PTCD2: variants seen among roughly 807,000 people sequenced by gnomAD.
PTCD2 encodes the protein pentatricopeptide repeat-containing protein 2, mitochondrial.
Under a neutral mutation model 42.6 loss-of-function variants are expected in PTCD2, and 31 were observed. The ratio of observed to expected loss-of-function variants is 0.73; its 90% CI spans 0.55 to 0.98. The LOEUF is 0.98. Among genes scored for constraint, PTCD2 ranks in the 50% least tolerant of loss-of-function variants. PTCD2 has a pLI of 0.00. For synonymous variants in PTCD2, 183 were observed against 170.9 expected (o/e 1.07, Z -0.55); for missense variants, 476 against 454.8 (o/e 1.05, Z -0.42).
In PTCD2 at chr5:72,358,978, G is replaced by T. The variant is rs1330743061; in HGVS notation, c.*551G>T. 4 of 152,900 alleles carry T rather than the reference G, an allele frequency of 2.6e-5. No homozygotes were observed. Among genetic ancestry groups the T allele is most frequent in the Non-Finnish European group, 5.8e-5 (4 of 68,646 alleles). The allele number at this position is 152,900 out of a possible 1,614,324, so 9.5% of individuals were successfully genotyped here. On this transcript the variant is annotated 3_prime_UTR_variant, in exon 10 of 10. Coordinates refer to ENST00000380639, the MANE Select transcript of PTCD2 (RefSeq NM_024754.5). The stretch of plus-strand genomic sequence containing the variant: ...TATAGATTTGAAATCTTCATTCAAG[G>T]TTTAGTAGGATCATATTTTCTCAAA...
At position 72,358,416 on chromosome 5, in the gene PTCD2, T is replaced by C; in HGVS notation, c.1156T>C (p.Leu386=). The C allele has an allele frequency of 1.2e-6, 2 of 1,611,716 alleles. No homozygotes were observed. The highest frequency in any genetic ancestry group is 2.2e-5 in the East Asian group (1 of 44,822). ...RTFQPLSQSL[L]AE ...CTTCCAGCCACTCAGCCAGTCCCTG[T>C]TGGCTGAGTAACCCTGGTTTCAGTC... Residue 386 remains leucine, a synonymous_variant, in exon 10 of 10, where the codon TTG becomes CTG. Transcript: ENST00000380639.
chr5:72,349,185 A>G (rs1752501385), intron 8 of PTCD2, among the ~76,000 whole-genome samples: 1 of 152,178 alleles, frequency 6.6e-6, no homozygotes, highest in African/African-American at 2.4e-5. Context: ...ACCATCTTTA[A>G]CACGTGACTT....
intron 1 of PTCD2, 126 bp downstream of exon 1, chr5:72,320,635 C>T (rs1167958426): frequency 4.4e-6 from 6 of 1,377,996 alleles, no homozygotes; most frequent in Non-Finnish European, 6.0e-6. Flanking sequence ...AGCGCACCCT[C>T]GCCCTCTAGT....
At chr5:72,331,175 C>A in intron 3 of PTCD2, 83 bp from the exon 4 acceptor site, 1 of 874,890 alleles carries the variant, frequency 1.1e-6, no homozygotes, top group South Asian at 1.4e-5. Flanking sequence ...GTCCCAGTAC[C>A]TGGCACAGTA....
chr5:72,334,582 C>T (rs955232733), intron 4 of PTCD2, among the ~76,000 whole-genome samples: 6 of 151,558 alleles, frequency 4.0e-5, no homozygotes, highest in Non-Finnish European at 7.4e-5. Flanking sequence ...GACGGAGTCT[C>T]GCCCTGTCAC....
At chr5:72,354,382 G>GAA (rs35170727) in intron 9 of PTCD2, among the ~76,000 whole-genome samples, 3,610 of 29,772 alleles carry the variant, frequency 0.12, 1,280 homozygotes, top group African/African-American at 0.32. Flanking sequence ...GACTCCATCT[G>GAA]AAAAAAAAAA....
At position 72,359,275 on chromosome 5, in the gene PTCD2, T is replaced by C. The variant is rs1022419426; in HGVS notation, c.*848T>C. ...ATTTTTCTCTCTTGAATGCCTCATA[T>C]TAAAAAAAAATGTGCCATGAGAGCA... On this transcript the variant is annotated 3_prime_UTR_variant, in exon 10 of 10. Coordinates refer to ENST00000380639, the MANE Select transcript of PTCD2 (RefSeq NM_024754.5). 6.6e-6 allele frequency: 1 copy of C among 152,194 alleles called. No homozygotes were observed. The highest frequency in any genetic ancestry group is 6.5e-5 in the Admixed American group (1 of 15,278). The allele number at this position is 152,194 out of a possible 1,614,324, so 9.4% of individuals were successfully genotyped here. A position where few individuals can be genotyped will look rare whatever the true frequency, so the allele number is the denominator to read the frequency against.
intron 2 of PTCD2, among the ~76,000 whole-genome samples, chr5:72,324,717 A>G (rs1236786599): frequency 6.6e-6 from 1 of 151,878 alleles, no homozygotes; most frequent in East Asian, 1.9e-4. Flanking sequence ...CTCCTCCATC[A>G]TTGTTTTCAG....
intron 7 of PTCD2, among the ~76,000 whole-genome samples, chr5:72,339,741 T>C (rs924354838): frequency 6.9e-6 from 1 of 144,074 alleles, no homozygotes; most frequent in Non-Finnish European, 1.5e-5. Flanking sequence ...TTACACTGTT[T>C]GGTGCACAGA....
In PTCD2 at chr5:72,365,607, AC is replaced by A. The variant is rs1215913537; in HGVS notation, c.*7181del. 1 of 152,236 alleles carries A rather than the reference AC, an allele frequency of 6.6e-6. No individual in the cohort carries two copies. The highest frequency in any genetic ancestry group is 2.4e-5 in the African/African-American group (1 of 41,444). The allele number at this position is 152,236 out of a possible 1,614,324, so 9.4% of individuals were successfully genotyped here. ...CAGGGAGACTCATGTAGCCATGAAGACTGAAGAGGATTAAGTTAACCTTCCA... is the reference window on the plus strand; with the variant it reads ...CAGGGAGACTCATGTAGCCATGAAGATGAAGAGGATTAAGTTAACCTTCCA... On this transcript the variant is annotated 3_prime_UTR_variant, in exon 10 of 10. Transcript: ENST00000380639.
intron 8 of PTCD2, among the ~76,000 whole-genome samples, chr5:72,349,429 G>T (rs776433076): frequency 6.8e-4 from 104 of 152,044 alleles, no homozygotes; most frequent in Non-Finnish European, 1.3e-3. Flanking sequence ...TTCTGTTATC[G>T]AAAAAGGAGG....
intron 4 of PTCD2, among the ~76,000 whole-genome samples, chr5:72,333,262 T>G (rs1048250965): frequency 6.6e-6 from 1 of 152,216 alleles, no homozygotes; most frequent in Admixed American, 6.5e-5. Flanking sequence ...ATTCTTATCC[T>G]TGAGGCTCCC....
In PTCD2 at chr5:72,365,054, A is replaced by G. The variant is rs1227229573; in HGVS notation, c.*6627A>G. 6.6e-6 allele frequency: 1 copy of G among 152,540 alleles called. No individual in the cohort carries two copies. Among genetic ancestry groups the G allele is most frequent in the Non-Finnish European group, 1.5e-5 (1 of 68,352 alleles). 9.4% of individuals were successfully genotyped at this position (152,540 alleles called of 1,614,324 possible). A position where few individuals can be genotyped will look rare whatever the true frequency, so the allele number is the denominator to read the frequency against. On this transcript the variant is annotated 3_prime_UTR_variant, in exon 10 of 10. Coordinates refer to ENST00000380639, the MANE Select transcript of PTCD2 (RefSeq NM_024754.5). ...CCTCAGAGGCAGCATTACCACAGGCATTAAAGATGGGGATGGGGAAAGAAG... is the reference window on the plus strand; with the variant it reads ...CCTCAGAGGCAGCATTACCACAGGCGTTAAAGATGGGGATGGGGAAAGAAG...
chr5:72,337,722 G>A (rs1302508345), intron 6 of PTCD2, among the ~76,000 whole-genome samples: 1 of 152,180 alleles, frequency 6.6e-6, no homozygotes. Context: ...GAACTGGGGA[G>A]GCAGACGTTG....
At chr5:72,341,683 G>A (rs903135754) in intron 7 of PTCD2, among the ~76,000 whole-genome samples, 2 of 152,104 alleles carry the variant, frequency 1.3e-5, no homozygotes, top group Non-Finnish European at 2.9e-5. Flanking sequence ...GTTTGAGGCT[G>A]CAGTGAGCCA....
intron 8 of PTCD2, among the ~76,000 whole-genome samples, chr5:72,351,860 G>T (rs1011599847): frequency 2.0e-5 from 3 of 152,138 alleles, no homozygotes; most frequent in African/African-American, 7.2e-5. Flanking sequence ...GAGATTGATT[G>T]TCATATCCTC....
chr5:72,339,722 A>AGGC (rs1229572631), intron 7 of PTCD2, among the ~76,000 whole-genome samples: 1 of 140,370 alleles, frequency 7.1e-6, no homozygotes, highest in Admixed American at 6.8e-5. Context: ...TTCTTTATTT[A>AGGC]TGTCTAAGTT....
At chr5:72,356,103 C>G (rs924260136) in intron 9 of PTCD2, among the ~76,000 whole-genome samples, 1 of 152,190 alleles carries the variant, frequency 6.6e-6, no homozygotes, top group East Asian at 1.9e-4. Flanking sequence ...TCCACCCAAC[C>G]CTTTTGGAGT....
intron 8 of PTCD2, among the ~76,000 whole-genome samples, chr5:72,347,267 C>T (rs2112206501): frequency 6.6e-6 from 1 of 152,298 alleles, no homozygotes; most frequent in African/African-American, 2.4e-5. Flanking sequence ...AGTGGCTCCT[C>T]TTGAATAATA....
Sources: gnomAD v4.1 joint callset for allele counts (sites outside exome capture counted in the v4.1 genomes callset) on GRCh38, gnomAD v4.1.1 for gene constraint, MANE v1.5 for transcripts, NCBI Gene and HGNC (gene_info 2026-07-23, HGNC 2026-07-21) for gene names.